The following ASAH2 variants were observed in gnomAD, a reference collection of about 807,000 sequenced individuals.
ASAH2 encodes the protein N-acylsphingosine amidohydrolase 2, also known as neutral ceramidase.
Under a neutral mutation model 82.9 loss-of-function variants are expected in ASAH2, and 58 were observed. That is an observed-to-expected ratio of 0.70 (90% CI 0.57 to 0.87). ASAH2 has a LOEUF of 0.87. ASAH2 is among the 40% of genes least tolerant of loss of function. The pLI is 0.00. For missense variants in ASAH2, 779 were observed against 834.0 expected (o/e 0.93, Z 0.81); for synonymous variants, 276 against 289.7 (o/e 0.95, Z 0.48).
rs756374986 is a variant in ASAH2, at chr10:50,248,538, C to T, written c.73G>A (p.Val25Met). 9 of 1,613,722 alleles carry T rather than the reference C, an allele frequency of 5.6e-6. No individual in the cohort carries two copies. The highest frequency in any genetic ancestry group is 2.2e-5 in the South Asian group (2 of 91,074). The change falls in exon 2 of 21, where the codon GTG becomes ATG. Residue 25 changes from valine to methionine, a missense_variant. Around this residue, in one of 3 missense-constraint regions of ASAH2, gnomAD observed 759 missense variants for 755.2 expected, o/e 1.00. Coordinates refer to ENST00000682911, the MANE Select transcript of ASAH2 (RefSeq NM_019893.4). ...FLLVMMSAIT[V>M]ALLSLLFITS... is the part of the protein sequence containing the mutation. Reference sequence around the variant, plus strand: ...ATAAACAAGAGGCTGAGAAGGGCCACTGTGATGGCACTCATCATTACAAGG... The same window carrying T: ...ATAAACAAGAGGCTGAGAAGGGCCATTGTGATGGCACTCATCATTACAAGG...
intron 16 of ASAH2, among the ~76,000 whole-genome samples, chr10:50,201,821 A>G (rs1845156369): frequency 6.6e-6 from 1 of 152,156 alleles, no homozygotes; most frequent in Non-Finnish European, 1.5e-5. Context: ...TTATTATGCT[A>G]TTGAATAACA....
intron 7 of ASAH2, among the ~76,000 whole-genome samples, chr10:50,231,602 T>C (rs1846023733): frequency 6.6e-6 from 1 of 152,148 alleles, no homozygotes; most frequent in African/African-American, 2.4e-5. Context: ...CATCATAACA[T>C]ACCCCACTCA....
At chr10:50,221,964 C>G (rs1348182588) in intron 7 of ASAH2, among the ~76,000 whole-genome samples, 1 of 152,080 alleles carries the variant, frequency 6.6e-6, no homozygotes, top group Non-Finnish European at 1.5e-5. Context: ...AAAGGAATCA[C>G]TAGATAACGA....
chr10:50,215,823 AG>A (rs1472367806), intron 8 of ASAH2, among the ~76,000 whole-genome samples: 1 of 152,180 alleles, frequency 6.6e-6, no homozygotes, highest in Admixed American at 6.6e-5. Flanking sequence ...ATATACCCAA[AG>A]GATTATAAAT....
At chr10:50,201,093 C>G (rs1033422974) in intron 16 of ASAH2, among the ~76,000 whole-genome samples, 5 of 152,000 alleles carry the variant, frequency 3.3e-5, no homozygotes, top group African/African-American at 1.2e-4. Context: ...AGGAGTTCGG[C>G]TGTGGATGGT....
intron 10 of ASAH2, 73 bp downstream of exon 10, chr10:50,212,899 C>T (rs984084860): frequency 2.8e-6 from 4 of 1,414,956 alleles, no homozygotes; most frequent in Admixed American, 1.7e-5. Flanking sequence ...ATTCAACTTC[C>T]TAATGAACCA....
intron 3 of ASAH2, among the ~76,000 whole-genome samples, chr10:50,244,746 G>T (rs1257029925): frequency 1.3e-5 from 2 of 152,056 alleles, no homozygotes; most frequent in Non-Finnish European, 2.9e-5. Context: ...TGGGGATTTG[G>T]GGGCTTCTTT....
chr10:50,247,248 G>C (rs951566381), intron 2 of ASAH2, among the ~76,000 whole-genome samples: 1 of 151,788 alleles, frequency 6.6e-6, no homozygotes, highest in African/African-American at 2.4e-5. Flanking sequence ...TGACCCCTGG[G>C]TTCAAGCGAT....
At chr10:50,202,225 T>C (rs1283346027) in intron 16 of ASAH2, among the ~76,000 whole-genome samples, 1 of 152,080 alleles carries the variant, frequency 6.6e-6, no homozygotes, top group African/African-American at 2.4e-5. Context: ...TACCAGCAGA[T>C]ATATTATTAA....
At chr10:50,207,839 C>T (rs1845344566) in intron 12 of ASAH2, among the ~76,000 whole-genome samples, 1 of 151,654 alleles carries the variant, frequency 6.6e-6, no homozygotes, top group African/African-American at 2.4e-5. Context: ...TGATATAAAA[C>T]CAGACAAAGA....
In ASAH2 at chr10:50,210,789, C is replaced by T. The variant is rs1845432177; in HGVS notation, c.1414+34G>A. On this transcript the variant is annotated intron_variant, in intron 12 of 20. Coordinates refer to ENST00000682911, the MANE Select transcript of ASAH2 (RefSeq NM_019893.4). The stretch of plus-strand genomic sequence containing the variant: ...GAACAGAACCCAGAAGCTTCAGAAG[C>T]TGAAACCATAGATTTTACTGGACTT... 2.0e-6 allele frequency: 3 copies of T among 1,501,848 alleles called. No individual in the cohort carries two copies. The South Asian group carries it at 3.4e-5, about 17-fold the overall frequency. 93.0% of individuals were successfully genotyped at this position (1,501,848 alleles called of 1,614,324 possible).
chr10:50,219,726 A>G (rs897217113), intron 7 of ASAH2, among the ~76,000 whole-genome samples: 142 of 152,384 alleles, frequency 9.3e-4, no homozygotes, highest in African/African-American at 3.1e-3. Flanking sequence ...TCATCTTTCA[A>G]GCATCAGTTC....
chr10:50,216,294 T>G (rs1417094862), intron 8 of ASAH2, among the ~76,000 whole-genome samples: 7 of 122,710 alleles, frequency 5.7e-5, no homozygotes, highest in African/African-American at 1.9e-4. Context: ...ATCCAAAAAC[T>G]TAAAGTATAA....
chr10:50,238,852 A>G (rs1846223086), intron 4 of ASAH2, among the ~76,000 whole-genome samples: 1 of 152,236 alleles, frequency 6.6e-6, no homozygotes, highest in African/African-American at 2.4e-5. Context: ...AACGGTACAC[A>G]GGAATTTTAT....
At chr10:50,193,253 A>T (rs1844888720) in intron 18 of ASAH2, among the ~76,000 whole-genome samples, 1 of 151,714 alleles carries the variant, frequency 6.6e-6, no homozygotes, top group African/African-American at 2.4e-5. Context: ...CAGACAAACA[A>T]GAACCCTGTA....
In ASAH2 at chr10:50,245,238, A is replaced by G; in HGVS notation, c.344T>C (p.Val115Ala). 1 of 1,613,854 alleles carries G rather than the reference A, an allele frequency of 6.2e-7. No homozygotes were observed. Among genetic ancestry groups the G allele is most frequent in the Non-Finnish European group, 8.5e-7 (1 of 1,179,736 alleles). ...GVGRADCTGQ[V>A]ADINLMGYGK... ...TCTACTTGCCAAATTGATATCTGCTACTTGTCCTGTGCAGTCAGCTCGTCC... is the reference window on the plus strand; with the variant it reads ...TCTACTTGCCAAATTGATATCTGCTGCTTGTCCTGTGCAGTCAGCTCGTCC... Residue 115 changes from valine (V) to alanine (A), a missense_variant, in exon 3 of 21, where the codon GTA becomes GCA. Physicochemically the swap from Val to Ala is moderately conservative, Grantham distance 64. Coordinates refer to ENST00000682911, the MANE Select transcript of ASAH2 (RefSeq NM_019893.4).
chr10:50,230,525 A>G (rs1845995762), intron 7 of ASAH2, among the ~76,000 whole-genome samples: 1 of 152,184 alleles, frequency 6.6e-6, no homozygotes, highest in African/African-American at 2.4e-5. Flanking sequence ...CTATGCAACA[A>G]GAGGCAATTG....
At position 50,235,939 on chromosome 10, in the gene ASAH2, A is replaced by T. The variant is rs1400911062; in HGVS notation, c.636T>A (p.Ser212Arg). The T allele has an allele frequency of 6.2e-7, 1 of 1,613,296 alleles. No homozygotes were observed. The highest frequency in any genetic ancestry group is 8.5e-7 in the Non-Finnish European group (1 of 1,179,518). ...YFQYTVFVIA[S>R]EGFSNQTFQH... ...GAAAAGTTTGATTGCTAAATCCTTC[A>T]CTGGCAATTACAAACACGGTATACT... The change falls in exon 5 of 21, where the codon AGT (serine) becomes AGA (arginine). Residue 212 changes from serine (S) to arginine (R), a missense_variant. By Grantham distance (110) the Ser-to-Arg change is moderately radical (BLOSUM62 -1). This residue lies in a region of ASAH2 where 759 missense variants were observed against 755.2 expected (regional missense o/e 1.00). Transcript: ENST00000682911.
At chr10:50,196,599 T>C (rs1264617324) in intron 18 of ASAH2, among the ~76,000 whole-genome samples, 174 bp downstream of exon 18, 6 of 146,330 alleles carry the variant, frequency 4.1e-5, no homozygotes, top group Non-Finnish European at 9.0e-5. Flanking sequence ...CACAATTACT[T>C]ACAAAAAATA....
Sources: gnomAD v4.1 joint callset for allele counts (sites outside exome capture counted in the v4.1 genomes callset) on GRCh38, gnomAD v4.1.1 for gene constraint, gnomAD v4.1.1 regional missense constraint, MANE v1.5 for transcripts, NCBI Gene and HGNC (gene_info 2026-07-23, HGNC 2026-07-21) for gene names.